The following TMEM178B variants were observed in gnomAD, a reference collection of about 807,000 sequenced individuals.
The protein encoded by TMEM178B is transmembrane protein 178B.
Under a neutral mutation model 31.0 loss-of-function variants are expected in TMEM178B, and 5 were observed. The observed-to-expected ratio is 0.16, with a 90% CI of 0.08 to 0.34. The LOEUF is 0.34. TMEM178B is among the 10% of genes least tolerant of loss of function. TMEM178B has a pLI of 1.00. For synonymous variants in TMEM178B, 164 were observed against 164.0 expected (o/e 1.00, Z 0.00); for missense variants, 275 against 400.3 (o/e 0.69, Z 2.67).
At chr7:141,467,016 G>C (rs1802157285) in intron 3 of TMEM178B, among the ~76,000 whole-genome samples, 1 of 152,012 alleles carries the variant, frequency 6.6e-6, no homozygotes, top group Non-Finnish European at 1.5e-5. Context: ...CCTACAGGCT[G>C]CCTCATTCTC....
chr7:141,464,067 A>T (rs1802107994), intron 3 of TMEM178B, among the ~76,000 whole-genome samples: 1 of 152,196 alleles, frequency 6.6e-6, no homozygotes, highest in Admixed American at 6.5e-5. Context: ...CATGACTCAG[A>T]GGGTAGCAGC....
At chr7:141,110,377 G>A (rs1310606608) in intron 1 of TMEM178B, among the ~76,000 whole-genome samples, 3 of 152,178 alleles carry the variant, frequency 2.0e-5, no homozygotes, top group Non-Finnish European at 4.4e-5. Context: ...ATCAGAACTT[G>A]GGAAGAACAC....
At chr7:141,179,207 A>G (rs897816092) in intron 1 of TMEM178B, among the ~76,000 whole-genome samples, 2 of 152,224 alleles carry the variant, frequency 1.3e-5, no homozygotes, top group African/African-American at 4.8e-5. Context: ...TGAAATTTGG[A>G]GGAAAATGCC....
intron 1 of TMEM178B, among the ~76,000 whole-genome samples, chr7:141,084,183 A>T (rs1390957319): frequency 6.6e-6 from 1 of 152,256 alleles, no homozygotes; most frequent in Admixed American, 6.5e-5. Context: ...TTAGTAAAAC[A>T]TGAAATTCCT....
At chr7:141,176,171 C>T (rs893861709) in intron 1 of TMEM178B, among the ~76,000 whole-genome samples, 1 of 152,062 alleles carries the variant, frequency 6.6e-6, no homozygotes, top group Non-Finnish European at 1.5e-5. Flanking sequence ...GCATGAAGGG[C>T]TGTTGAATTT....
intron 1 of TMEM178B, among the ~76,000 whole-genome samples, chr7:141,101,852 A>G (rs1033935564): frequency 6.6e-6 from 1 of 151,374 alleles, no homozygotes; most frequent in African/African-American, 2.4e-5. Context: ...ATCTTCTAGG[A>G]TGTTTGTCAG....
chr7:141,216,653 A>G (rs1797157491), intron 2 of TMEM178B, among the ~76,000 whole-genome samples: 1 of 151,796 alleles, frequency 6.6e-6, no homozygotes, highest in African/African-American at 2.4e-5. Flanking sequence ...TTTTTAGGTG[A>G]TTGCTGGTGG....
At chr7:141,303,119 C>T (rs1798755550) in intron 2 of TMEM178B, among the ~76,000 whole-genome samples, 1 of 152,132 alleles carries the variant, frequency 6.6e-6, no homozygotes. Context: ...CATCTTTATT[C>T]AGTGCCATTC....
downstream of TMEM178B, among the ~76,000 whole-genome samples, chr7:141,484,680 G>T (rs1444436393): frequency 6.6e-6 from 1 of 152,118 alleles, no homozygotes; most frequent in East Asian, 1.9e-4. This position sits in a 1 kb window ranked among gnomAD's most constrained non-coding sequence, Gnocchi z 4.8. Flanking sequence ...TCCTGCCTCA[G>T]CCTCCTGAGT....
intron 2 of TMEM178B, among the ~76,000 whole-genome samples, chr7:141,286,154 C>T (rs777330543): frequency 6.6e-5 from 10 of 151,964 alleles, no homozygotes; most frequent in Admixed American, 2.0e-4. Context: ...GTAAATCAAA[C>T]GACTTACATC....
chr7:141,176,297 A>G (rs1376061472), intron 1 of TMEM178B, among the ~76,000 whole-genome samples: 2 of 152,184 alleles, frequency 1.3e-5, no homozygotes, highest in African/African-American at 2.4e-5. Context: ...CTTGCATCCC[A>G]GGGATGAAGC....
intron 2 of TMEM178B, among the ~76,000 whole-genome samples, chr7:141,266,999 C>A (rs1219224660): frequency 6.6e-6 from 1 of 152,210 alleles, no homozygotes; most frequent in Non-Finnish European, 1.5e-5. Context: ...CTTCTGGAGG[C>A]TTTGCCCTTG....
intron 2 of TMEM178B, among the ~76,000 whole-genome samples, chr7:141,300,514 A>G (rs1216013871): frequency 6.6e-6 from 1 of 152,122 alleles, no homozygotes; most frequent in African/African-American, 2.4e-5. Flanking sequence ...CCTCTCTCTG[A>G]TGAAACAATG....
intron 1 of TMEM178B, among the ~76,000 whole-genome samples, chr7:141,080,967 T>C (rs1275229977): frequency 5.9e-5 from 9 of 152,246 alleles, no homozygotes; most frequent in South Asian, 2.1e-4. Context: ...ATGTACAGTA[T>C]GTAATACTTG....
intron 3 of TMEM178B, among the ~76,000 whole-genome samples, chr7:141,439,788 A>G (rs996457492): frequency 8.5e-5 from 13 of 152,092 alleles, no homozygotes; most frequent in South Asian, 6.2e-4. Flanking sequence ...TTTCATCTCC[A>G]CTTCTTTGAT....
At chr7:141,099,861 G>C (rs886585915) in intron 1 of TMEM178B, among the ~76,000 whole-genome samples, 16 of 149,598 alleles carry the variant, frequency 1.1e-4, no homozygotes, top group African/African-American at 4.0e-4. Flanking sequence ...ACAGAGTCTG[G>C]CTTTGTCGTC....
At chr7:141,124,227 C>T (rs1282907449) in intron 1 of TMEM178B, among the ~76,000 whole-genome samples, 1 of 152,092 alleles carries the variant, frequency 6.6e-6, no homozygotes, top group Non-Finnish European at 1.5e-5. Flanking sequence ...ATTAGTCAGG[C>T]GTGGTGGTGT....
chr7:141,417,222 C>A (rs115571921), intron 2 of TMEM178B, among the ~76,000 whole-genome samples: 1 of 152,134 alleles, frequency 6.6e-6, no homozygotes, highest in African/African-American at 2.4e-5. Flanking sequence ...ATTCCTTCAT[C>A]CCATAGAGAT....
intron 2 of TMEM178B, among the ~76,000 whole-genome samples, chr7:141,336,832 C>T (rs1166094569): frequency 2.0e-5 from 3 of 148,666 alleles, no homozygotes; most frequent in African/African-American, 7.5e-5. Context: ...CCACCACCAT[C>T]ACCACCATCA....
Sources: allele counts gnomAD v4.1 joint callset (sites outside exome capture counted in the v4.1 genomes callset), GRCh38; gene constraint gnomAD v4.1.1; non-coding constraint Gnocchi (gnomAD v3.1); transcripts MANE v1.5; gene names NCBI Gene and HGNC (gene_info 2026-07-23, HGNC 2026-07-21).